The following MRE11 variants were observed in gnomAD, a reference collection of about 807,000 sequenced individuals.
MRE11 encodes the protein double-strand break repair protein MRE11.
Under a neutral mutation model 91.7 loss-of-function variants are expected in MRE11, and 62 were observed. The ratio of observed to expected loss-of-function variants is 0.68; its 90% confidence interval spans 0.55 to 0.84. The LOEUF is 0.84. Ranked by LOEUF, MRE11 falls within the 40% of genes least tolerant of loss-of-function variation. The pLI is 0.00. For missense variants in MRE11, 796 were observed against 852.9 expected, an observed-to-expected ratio of 0.93 and a Z score of 0.83; for synonymous variants, 273 against 271.4, an observed-to-expected ratio of 1.01 and a Z score of -0.06.
intron 11 of MRE11, among the ~76,000 whole-genome samples, chr11:94,463,363 G>A (rs553287967): frequency 1.3e-5 from 2 of 152,342 alleles, no homozygotes; most frequent in East Asian, 3.9e-4. Flanking sequence ...CATTGTGGAA[G>A]ACAGTGTGGT....
intron 16 of MRE11, among the ~76,000 whole-genome samples, chr11:94,440,241 G>A (rs941091915): frequency 1.3e-5 from 2 of 152,108 alleles, no homozygotes; most frequent in Non-Finnish European, 1.5e-5. Flanking sequence ...AAAAAAATTA[G>A]TCAAGCCATT....
chr11:94,431,681 T>C (rs1444106316), intron 18 of MRE11, among the ~76,000 whole-genome samples: 1 of 152,160 alleles, frequency 6.6e-6, no homozygotes, highest in Non-Finnish European at 1.5e-5. Flanking sequence ...ACTTCATCTG[T>C]AAAATGGGGA....
chr11:94,473,742 C>G (rs1946775740), intron 7 of MRE11, among the ~76,000 whole-genome samples: 1 of 151,994 alleles, frequency 6.6e-6, no homozygotes, highest in African/African-American at 2.4e-5. Flanking sequence ...AAATAACTTA[C>G]ACAAACATTG....
At chr11:94,496,714 T>A (rs375712368), upstream of MRE11, 30 of 1,582,356 alleles carry the variant, frequency 1.9e-5, no homozygotes, top group South Asian at 3.2e-4. Flanking sequence ...AAAAAGGAAA[T>A]GATGATGGAA....
intron 4 of MRE11, among the ~76,000 whole-genome samples, chr11:94,482,139 A>G (rs1947027971): frequency 6.6e-6 from 1 of 152,230 alleles, no homozygotes; most frequent in Non-Finnish European, 1.5e-5. Flanking sequence ...GTTAAGAACA[A>G]TGAGAAAATC....
In MRE11 at chr11:94,460,919, G is replaced by C. The variant is rs1565221351; in HGVS notation, c.1326+17C>G. 1 of 1,589,968 alleles carries C rather than the reference G, an allele frequency of 6.3e-7. No homozygotes were observed. Among genetic ancestry groups the C allele is most frequent in the Non-Finnish European group, 8.6e-7 (1 of 1,158,866 alleles). On this transcript the variant is annotated intron_variant, in intron 12 of 19. Coordinates refer to ENST00000323929, the MANE Select transcript of MRE11 (RefSeq NM_005591.4). Reference sequence around the variant, plus strand: ...ATAAGGTAGCCATTATTCAAAATGTGAACTGTAAGAAATTACCTTCTCTGC... The same window carrying C: ...ATAAGGTAGCCATTATTCAAAATGTCAACTGTAAGAAATTACCTTCTCTGC...
At chr11:94,430,915 GT>G (rs1945447641) in intron 18 of MRE11, among the ~76,000 whole-genome samples, 8 of 151,998 alleles carry the variant, frequency 5.3e-5, no homozygotes, top group Admixed American at 4.6e-4. Context: ...GCTAAGAATG[GT>G]TTTCACATTT....
the MRE11 span, among the ~76,000 whole-genome samples, chr11:94,504,151 C>A: frequency 6.6e-6 from 1 of 152,058 alleles, no homozygotes; most frequent in Non-Finnish European, 1.5e-5. Flanking sequence ...TGGAAATATG[C>A]CGTAGCTTGA....
rs1156382822 is a variant in MRE11, at chr11:94,490,704, G to A, written c.153+129C>T. 4.8e-6 allele frequency: 5 copies of A among 1,044,358 alleles called. No individual in the cohort carries two copies. In the Admixed American group the frequency reaches 7.1e-5, roughly 15 times the overall value. 64.7% of individuals were successfully genotyped at this position (1,044,358 alleles called of 1,614,324 possible). On this transcript the variant is annotated intron_variant, in intron 3 of 19. Transcript: ENST00000323929. ...ATACAAAATCAGCTTTGAGCTTTCA[G>A]TATATTGATATTCAAGCAGGCAAGG...
chr11:94,491,035 C>T, intron 2 of MRE11, 70 bp from the exon 3 acceptor site: 1 of 953,652 alleles, frequency 1.0e-6, no homozygotes, highest in East Asian at 2.7e-5. Context: ...CAAATTGAGA[C>T]AAACTTATAA....
rs1371662342 is a variant in MRE11 at position 94,418,218 on chromosome 11, C to T, written c.*1907G>A. 4.3e-6 allele frequency: 1 copy of T among 232,938 alleles called. No individual in the cohort carries two copies. The highest frequency in any genetic ancestry group is 2.2e-5 in the African/African-American group (1 of 45,306). The allele number at this position is 232,938 out of a possible 1,614,324, so 14.4% of individuals were successfully genotyped here. ...AATATTCAATCAAAAAAAGGTTTCC[C>T]TGTCACGTTTTATTTACCATATTTT... On this transcript the variant is annotated 3_prime_UTR_variant, in exon 20 of 20. Coordinates refer to ENST00000323929, the MANE Select transcript of MRE11 (RefSeq NM_005591.4).
At chr11:94,423,425 A>AG (rs1945226516) in intron 19 of MRE11, among the ~76,000 whole-genome samples, 1 of 152,204 alleles carries the variant, frequency 6.6e-6, no homozygotes, top group African/African-American at 2.4e-5. Context: ...CATGGAGCCC[A>AG]GGGGTTTTCA....
At chr11:94,443,918 AT>A (rs71036324) in intron 16 of MRE11, among the ~76,000 whole-genome samples, 46,486 of 134,364 alleles carry the variant, frequency 0.35, 8,018 homozygotes, top group African/African-American at 0.48. Flanking sequence ...CCTTCAACCA[AT>A]TTTTTTTTTT....
At chr11:94,470,670 T>A in intron 8 of MRE11, 28 bp from the exon 9 acceptor site, 1 of 1,610,756 alleles carries the variant, frequency 6.2e-7, no homozygotes, top group African/African-American at 1.3e-5. Context: ...GAACACCGAG[T>A]CACAGTGTAA....
At chr11:94,421,302 T>C (rs576140911) in intron 19 of MRE11, among the ~76,000 whole-genome samples, 1 of 152,226 alleles carries the variant, frequency 6.6e-6, no homozygotes, top group Non-Finnish European at 1.5e-5. Flanking sequence ...CTAGGCTTTG[T>C]TGGTGGTATC....
At chr11:94,498,793 C>T (rs886589355), upstream of MRE11, 4 of 424,716 alleles carry the variant, frequency 9.4e-6, no homozygotes, top group Admixed American at 4.2e-5. Context: ...AAACTTGACA[C>T]GGGTTGTACA....
At chr11:94,434,081 C>T (rs1229188695) in intron 18 of MRE11, among the ~76,000 whole-genome samples, 5 of 152,208 alleles carry the variant, frequency 3.3e-5, no homozygotes, top group African/African-American at 4.8e-5. Context: ...GATACTGGCA[C>T]GTCCCTTAGG....
chr11:94,445,344 T>C (rs1945895277), intron 16 of MRE11, among the ~76,000 whole-genome samples: 2 of 152,252 alleles, frequency 1.3e-5, no homozygotes, highest in East Asian at 1.9e-4. Context: ...GGAGTCTCTC[T>C]CTGTTGCTAG....
chr11:94,455,630 G>C (rs1370906380), intron 14 of MRE11, among the ~76,000 whole-genome samples: 2 of 152,184 alleles, frequency 1.3e-5, no homozygotes, highest in Non-Finnish European at 2.9e-5. Context: ...ATGAGACTGA[G>C]AAGACAGTGA....
Sources: gnomAD v4.1 joint callset for allele counts (sites outside exome capture counted in the v4.1 genomes callset) on GRCh38, gnomAD v4.1.1 for gene constraint, MANE v1.5 for transcripts, NCBI Gene and HGNC (gene_info 2026-07-23, HGNC 2026-07-21) for gene names.